UFC1: variants seen among roughly 807,000 people sequenced by gnomAD.
UFC1 encodes ubiquitin-fold modifier-conjugating enzyme 1.
Under a neutral mutation model 28.0 loss-of-function variants are expected in UFC1, and 22 were observed. The observed-to-expected ratio is 0.78, with a 90% confidence interval of 0.56 to 1.12. The LOEUF is 1.12. Ranked by LOEUF, UFC1 falls within the 50% of genes most tolerant of loss-of-function variation. UFC1 has a pLI of 0.00. For synonymous variants in UFC1, 61 were observed against 74.5 expected, an observed-to-expected ratio of 0.82 and a Z score of 0.93; for missense variants, 189 against 207.8, an observed-to-expected ratio of 0.91 and a Z score of 0.56.
chr1:161,156,615 G>A (rs1057109757), intron 1 of UFC1, among the ~76,000 whole-genome samples: 1 of 151,568 alleles, frequency 6.6e-6, no homozygotes, highest in Non-Finnish European at 1.5e-5. Context: ...GCCAAGGCAG[G>A]TTGATCACCT....
At position 161,157,786 on chromosome 1, in the gene UFC1, G is replaced by T. The variant is rs553509146; in HGVS notation, c.332+93G>T. ...AGAGCATCAGGAAGAATAGCTAATG[G>T]ATGCTTGGCTTGATGTCTGGGTGAT... On this transcript the variant is annotated intron_variant, in intron 4 of 5. Coordinates refer to ENST00000368003, the MANE Select transcript of UFC1 (RefSeq NM_016406.4). 4 of 1,059,084 alleles carry T rather than the reference G, an allele frequency of 3.8e-6. No homozygotes were observed. In the East Asian group the frequency reaches 7.6e-5, roughly 20 times the overall value. 65.6% of individuals were successfully genotyped at this position (1,059,084 alleles called of 1,614,324 possible).
rs764720806 is a variant in UFC1, at chr1:161,158,503, C to T, written c.*11C>T. 3 of 1,613,982 alleles carry T rather than the reference C, an allele frequency of 1.9e-6. No homozygotes were observed. Among genetic ancestry groups the T allele is most frequent in the Non-Finnish European group, 2.5e-6 (3 of 1,179,990 alleles). ...AAATGCAACCAATGAAGAATCAAGC[C>T]ACTGAGGCAGGGCAGAGGGACCTTT... On this transcript the variant is annotated 3_prime_UTR_variant, in exon 6 of 6. Transcript: ENST00000368003.
chr1:161,158,513 G>A lies in UFC1; in HGVS notation c.*21G>A. The stretch of plus-strand genomic sequence containing the variant: ...AATGAAGAATCAAGCCACTGAGGCA[G>A]GGCAGAGGGACCTTTGATAGGCTAC... On this transcript the variant is annotated 3_prime_UTR_variant, in exon 6 of 6. Coordinates refer to ENST00000368003, the MANE Select transcript of UFC1 (RefSeq NM_016406.4). The A allele has an allele frequency of 6.2e-7, 1 of 1,613,506 alleles. No homozygotes were observed. The highest frequency in any genetic ancestry group is 1.3e-5 in the African/African-American group (1 of 75,024).
At chr1:161,157,969 G>A in intron 4 of UFC1, 152 bp from the exon 5 acceptor site, 1 of 682,898 alleles carries the variant, frequency 1.5e-6, no homozygotes, top group Non-Finnish European at 2.5e-6. Context: ...GCCTAGTGGG[G>A]TGCCAGGCCC....
intron 1 of UFC1, 136 bp from the exon 2 acceptor site, chr1:161,156,814 C>T: frequency 1.3e-6 from 1 of 751,768 alleles, no homozygotes; most frequent in Non-Finnish European, 2.2e-6. Flanking sequence ...TGCACTCCAG[C>T]CTGTGCGACG....
intron 3 of UFC1, 58 bp from the exon 4 acceptor site, chr1:161,157,559 T>C: frequency 1.3e-6 from 2 of 1,511,982 alleles, no homozygotes; most frequent in Non-Finnish European, 1.8e-6. Flanking sequence ...GTATGTCTGA[T>C]TATATTAGTT....
At chr1:161,157,162 T>C in intron 2 of UFC1, 92 bp from the exon 3 acceptor site, 1 of 1,562,294 alleles carries the variant, frequency 6.4e-7, no homozygotes, top group Non-Finnish European at 8.8e-7. Context: ...GTTCCCATCC[T>C]ATGAGTCTCC....
intron 2 of UFC1, 40 bp downstream of exon 2, chr1:161,157,057 A>G (rs1364030380): frequency 1.9e-6 from 3 of 1,600,996 alleles, no homozygotes; most frequent in Non-Finnish European, 2.6e-6. Flanking sequence ...TGGGAGTCTT[A>G]TATGAGTTAG....
chr1:161,158,539 G>T lies in UFC1; in HGVS notation c.*47G>T. ...GGCAGAGGGACCTTTGATAGGCTAC[G>T]ATACTATTTTCCTGTGCATCACACT... On this transcript the variant is annotated 3_prime_UTR_variant, in exon 6 of 6. Coordinates refer to ENST00000368003, the MANE Select transcript of UFC1 (RefSeq NM_016406.4). 4 of 1,597,892 alleles carry T rather than the reference G, an allele frequency of 2.5e-6. No individual in the cohort carries two copies. Among genetic ancestry groups the T allele is most frequent in the South Asian group, 2.2e-5 (2 of 90,736 alleles).
Sources: allele counts gnomAD v4.1 joint callset (sites outside exome capture counted in the v4.1 genomes callset), GRCh38; gene constraint gnomAD v4.1.1; transcripts MANE v1.5; gene names NCBI Gene and HGNC (gene_info 2026-07-23, HGNC 2026-07-21).